Variants in AFDN observed in about 807,000 individuals in gnomAD.
The protein encoded by AFDN is afadin, adherens junction formation factor, also known as afadin.
AFDN carries 68 observed loss-of-function variants against 216.6 expected under a neutral mutation model. The observed-to-expected ratio is 0.31, with a 90% CI of 0.26 to 0.38. The LOEUF (loss-of-function observed/expected upper bound fraction) is 0.38, where lower values mean the gene tolerates loss of function less well. Ranked by LOEUF, AFDN falls within the 10% of genes least tolerant of loss-of-function variation. The probability of loss-of-function intolerance (pLI) is 1.00; values close to 1 mark genes in which losing one functional copy is unlikely to be tolerated. For missense variants in AFDN, 2,136 were observed against 2,342.0 expected (o/e 0.91, Z 1.82); for synonymous variants, 868 against 853.7 (o/e 1.02, Z -0.29).
intron 33 of AFDN, 61 bp from the exon 34 acceptor site, chr6:167,969,721 T>G: frequency 1.3e-6 from 2 of 1,509,950 alleles, no homozygotes; most frequent in Non-Finnish European, 1.8e-6. Flanking sequence ...CAAACGTGTG[T>G]AATTGTTGAC....
chr6:167,890,981 T>C lies in AFDN; in HGVS notation c.1129T>C (p.Ser377Pro). 1 of 1,614,020 alleles carries C rather than the reference T, an allele frequency of 6.2e-7. No individual in the cohort carries two copies. Among genetic ancestry groups the C allele is most frequent in the Non-Finnish European group, 8.5e-7 (1 of 1,179,922 alleles). ...KERADGSGYG[S>P]TLPPEKLPYL... ...GAGAGCTGACGGGTCTGGCTATGGC[T>C]CCACCCTTCCTCCGGAGAAGCTGCC... The change falls in exon 8 of 34, where the codon TCC becomes CCC. Residue 377 changes from serine (S) to proline (P), a missense_variant. Coordinates refer to ENST00000683244, the MANE Select transcript of AFDN (RefSeq NM_001386888.1).
chr6:167,899,600 A>G (rs978674352), intron 11 of AFDN, among the ~76,000 whole-genome samples: 1 of 152,066 alleles, frequency 6.6e-6, no homozygotes, highest in Non-Finnish European at 1.5e-5. Context: ...TTAGATGTTC[A>G]TTTCAATCAT....
At chr6:167,848,472 TTCTA>T (rs1781942342) in intron 1 of AFDN, among the ~76,000 whole-genome samples, 1 of 152,244 alleles carries the variant, frequency 6.6e-6, no homozygotes, top group African/African-American at 2.4e-5. Flanking sequence ...GTTGTCCGTA[TTCTA>T]TCTCTGTCCC....
chr6:167,947,155 G>A (rs1277462509), intron 27 of AFDN, among the ~76,000 whole-genome samples: 1 of 150,640 alleles, frequency 6.6e-6, no homozygotes, highest in Non-Finnish European at 1.5e-5. Flanking sequence ...ATTACCAAGA[G>A]AAACTAAAAT....
At chr6:167,913,773 T>G in intron 16 of AFDN, 1 of 401,242 alleles carries the variant, frequency 2.5e-6, no homozygotes, top group Admixed American at 4.2e-5. Context: ...AGTTGCATGG[T>G]GTCCAAGCCA....
chr6:167,944,299 C>T (rs539021126), intron 26 of AFDN, among the ~76,000 whole-genome samples: 101 of 152,276 alleles, frequency 6.6e-4, no homozygotes, highest in Non-Finnish European at 1.1e-3. Context: ...ACTTCACCCC[C>T]ACAGGGCTGG....
Position 167,911,380 on chromosome 6 carries a change from G to A in AFDN, c.1928G>A (p.Arg643Gln), listed in dbSNP as rs753394042. The A allele has an allele frequency of 1.4e-5, 22 of 1,613,804 alleles. 1 individual carries two copies. The highest frequency in any genetic ancestry group is 2.2e-5 in the South Asian group (2 of 91,080). ...SPTYVLYMAC[R>Q]YVLSNQYRPD... ...ACATATGTATTATATATGGCATGCC[G>A]GTATGTATTGTCCAACCAGTACAGA... is the stretch of plus-strand genomic sequence containing the variant. Residue 643 changes from arginine to glutamine, a missense_variant, in exon 15 of 34, where the codon CGG becomes CAG. By Grantham distance (43) the Arg-to-Gln change is conservative. Transcript: ENST00000683244.
chr6:167,888,942 T>C (rs927374468), intron 6 of AFDN, among the ~76,000 whole-genome samples: 33 of 151,638 alleles, frequency 2.2e-4, no homozygotes, highest in African/African-American at 6.3e-4. Context: ...TGCCTTTCCA[T>C]ATAAAAAGTT....
chr6:167,904,584 T>C (rs547464796), intron 12 of AFDN, among the ~76,000 whole-genome samples: 1 of 152,312 alleles, frequency 6.6e-6, no homozygotes, highest in Admixed American at 6.5e-5. Context: ...TAAATCTAGC[T>C]AAAAGAAGAC....
At chr6:167,934,863 C>G (rs1793788985) in intron 23 of AFDN, among the ~76,000 whole-genome samples, 1 of 152,152 alleles carries the variant, frequency 6.6e-6, no homozygotes, top group Non-Finnish European at 1.5e-5. Flanking sequence ...TTCTATAAGC[C>G]CTCTTCTGAA....
chr6:167,944,781 T>TA (rs900150174), intron 26 of AFDN, among the ~76,000 whole-genome samples: 121 of 142,954 alleles, frequency 8.5e-4, no homozygotes, highest in Admixed American at 8.3e-4. Context: ...AAACTACAGT[T>TA]AAAAAAAAAA....
chr6:167,829,853 A>G (rs1219079988), intron 1 of AFDN, among the ~76,000 whole-genome samples: 1 of 152,176 alleles, frequency 6.6e-6, no homozygotes, highest in African/African-American at 2.4e-5. Flanking sequence ...TAAGAAAACT[A>G]GAGTATGTTT....
At chr6:167,873,210 C>CCT (rs1415799841) in intron 4 of AFDN, among the ~76,000 whole-genome samples, 1 of 152,192 alleles carries the variant, frequency 6.6e-6, no homozygotes, top group African/African-American at 2.4e-5. Flanking sequence ...AAAGAACTCA[C>CCT]CTGTCATCAC....
At chr6:167,859,774 T>A (rs964897325) in intron 1 of AFDN, among the ~76,000 whole-genome samples, 2 of 126,296 alleles carry the variant, frequency 1.6e-5, no homozygotes, top group Non-Finnish European at 3.6e-5. Context: ...TTGGTTTTGT[T>A]ATTGTTGTTT....
chr6:167,938,808 G>C (rs1794328326), intron 23 of AFDN, among the ~76,000 whole-genome samples: 1 of 152,064 alleles, frequency 6.6e-6, no homozygotes, highest in African/African-American at 2.4e-5. Flanking sequence ...GAAACATGGA[G>C]TAACAGGTGC....
At chr6:167,925,845 T>G (rs1334059746) in intron 23 of AFDN, among the ~76,000 whole-genome samples, 2 of 152,226 alleles carry the variant, frequency 1.3e-5, no homozygotes, top group Non-Finnish European at 2.9e-5. Flanking sequence ...TTTAGATATT[T>G]TCCATGAAAC....
At chr6:167,895,230 G>T (rs1178781279) in intron 9 of AFDN, among the ~76,000 whole-genome samples, 5 of 152,086 alleles carry the variant, frequency 3.3e-5, no homozygotes, top group Non-Finnish European at 7.4e-5. Context: ...AACAGATGGG[G>T]TGCTCTGGGA....
chr6:167,947,149 C>G (rs553686434), intron 27 of AFDN, among the ~76,000 whole-genome samples: 2 of 151,552 alleles, frequency 1.3e-5, no homozygotes, highest in South Asian at 2.1e-4. Context: ...TGGTAAATTA[C>G]CAAGAGAAAC....
intron 1 of AFDN, among the ~76,000 whole-genome samples, chr6:167,859,368 C>T (rs1006897396): frequency 2.6e-5 from 4 of 152,044 alleles, no homozygotes; most frequent in Non-Finnish European, 5.9e-5. Flanking sequence ...TTAACCTTTG[C>T]ACATATTTTG....
Sources: gnomAD v4.1 joint callset for allele counts (sites outside exome capture counted in the v4.1 genomes callset) on GRCh38, gnomAD v4.1.1 for gene constraint, MANE v1.5 for transcripts, NCBI Gene and HGNC (gene_info 2026-07-23, HGNC 2026-07-21) for gene names.